Variants in LZTFL1 observed in about 807,000 individuals in gnomAD.
The protein encoded by LZTFL1 is leucine zipper transcription factor like 1.
In LZTFL1, 25 loss-of-function variants were observed where a neutral mutation model predicts 45.9. The ratio of observed to expected loss-of-function variants is 0.54; its 90% CI spans 0.40 to 0.76. LZTFL1 has a LOEUF of 0.76. LZTFL1 is among the 30% of genes least tolerant of loss of function. The pLI, the probability that LZTFL1 is intolerant of heterozygous loss-of-function variation, is 0.00. For synonymous variants in LZTFL1, 93 were observed against 117.4 expected, an observed-to-expected ratio of 0.79 and a Z score of 1.35; for missense variants, 277 against 331.1, an observed-to-expected ratio of 0.84 and a Z score of 1.27.
intron 2 of LZTFL1, among the ~76,000 whole-genome samples, chr3:45,861,790 G>A (rs746305358): frequency 2.6e-5 from 4 of 152,100 alleles, no homozygotes; most frequent in African/African-American, 4.8e-5. Flanking sequence ...GTCTCTTAGT[G>A]TAACTAAGTA....
At position 45,830,275 on chromosome 3, in the gene LZTFL1, C is replaced by T. The variant is rs572841906; in HGVS notation, c.600+638G>A. 1.8e-4 allele frequency among the ~76,000 whole-genome samples: 27 copies of T among 152,304 alleles called. No individual in the cohort carries two copies. In the South Asian group the frequency reaches 4.1e-3, roughly 23 times the overall value. ...GTCCTGCTCACAGGAAATCATACTG[C>T]AGCATGCACACTCAACAGAAAGTCC... On this transcript the variant is annotated intron_variant, in intron 7 of 9. Transcript: ENST00000296135.
At chr3:45,859,765 T>C (rs1357548910) in intron 2 of LZTFL1, among the ~76,000 whole-genome samples, 2 of 151,528 alleles carry the variant, frequency 1.3e-5, no homozygotes, top group Non-Finnish European at 2.9e-5. Context: ...GCCTCCCAAG[T>C]AGCTGGGATT....
chr3:45,881,946 T>C (rs1575286574), intron 2 of LZTFL1, among the ~76,000 whole-genome samples: 1 of 152,252 alleles, frequency 6.6e-6, no homozygotes, highest in Non-Finnish European at 1.5e-5. Flanking sequence ...ATGTTGGCTG[T>C]TTACATTTCC....
chr3:45,907,353 A>T (rs1702702749), intron 2 of LZTFL1, among the ~76,000 whole-genome samples: 1 of 152,050 alleles, frequency 6.6e-6, no homozygotes, highest in Non-Finnish European at 1.5e-5. Context: ...GCCCCTCACC[A>T]CCTGGACGAA....
At chr3:45,880,836 C>T (rs1363247482) in intron 2 of LZTFL1, among the ~76,000 whole-genome samples, 1 of 152,070 alleles carries the variant, frequency 6.6e-6, no homozygotes, top group Non-Finnish European at 1.5e-5. Context: ...GGCCCCCTTC[C>T]CACGCCACTC....
intron 2 of LZTFL1, among the ~76,000 whole-genome samples, chr3:45,905,192 G>A (rs1404114991): frequency 6.6e-6 from 1 of 152,154 alleles, no homozygotes; most frequent in African/African-American, 2.4e-5. Context: ...CACAGCCTTA[G>A]AATTCCCCTC....
intron 5 of LZTFL1, chr3:45,832,531 G>A (rs1575254535): frequency 6.6e-6 from 1 of 152,306 alleles, no homozygotes; most frequent in East Asian, 1.9e-4. Flanking sequence ...CTAGTCCCAA[G>A]GATAAGGGAT....
At chr3:45,842,973 A>C (rs921024071), upstream of LZTFL1, among the ~76,000 whole-genome samples, 6 of 152,376 alleles carry the variant, frequency 3.9e-5, no homozygotes, top group Middle Eastern at 3.4e-3. Context: ...GGTGATGTGC[A>C]GGCATTTGCC....
chr3:45,905,482 G>T (rs1702662217), intron 2 of LZTFL1, among the ~76,000 whole-genome samples: 1 of 152,224 alleles, frequency 6.6e-6, no homozygotes, highest in Admixed American at 6.5e-5. Context: ...ATATTTACTT[G>T]TATACGCTCA....
upstream of LZTFL1, chr3:45,842,151 GC>G: frequency 2.0e-6 from 3 of 1,500,122 alleles, no homozygotes; most frequent in Non-Finnish European, 2.7e-6. Flanking sequence ...CACGTGGACT[GC>G]AATTATGCAT....
At chr3:45,853,297 A>G (rs1443322758) in intron 4 of LZTFL1, among the ~76,000 whole-genome samples, 3 of 152,226 alleles carry the variant, frequency 2.0e-5, no homozygotes, top group Non-Finnish European at 4.4e-5. Context: ...TGAGGGACAC[A>G]AAGTTATATC....
At chr3:45,839,463 C>G (rs569030520) in intron 1 of LZTFL1, among the ~76,000 whole-genome samples, 1 of 152,344 alleles carries the variant, frequency 6.6e-6, no homozygotes, top group African/African-American at 2.4e-5. Flanking sequence ...CCCAAACTCT[C>G]TTACCCTGTT....
chr3:45,842,977 A>G (rs1174381273), upstream of LZTFL1, among the ~76,000 whole-genome samples: 1 of 152,238 alleles, frequency 6.6e-6, no homozygotes, highest in Non-Finnish European at 1.5e-5. Flanking sequence ...ATGTGCAGGC[A>G]TTTGCCCACA....
rs1254997730 is a variant in LZTFL1, at chr3:45,900,362, T to C, written c.-215+12758A>G. On this transcript the variant is annotated intron_variant, in intron 2 of 4. Coordinates refer to the LZTFL1 transcript ENST00000472635. This position sits in a 1 kb window ranked among gnomAD's most constrained non-coding sequence, Gnocchi z 4.7. Reference sequence around the variant, plus strand: ...TCCAGATGAGTTTAAGAGCCCTTGCTAACCTTTTTAGGGTCAGTGAAAAAC... The same window carrying C: ...TCCAGATGAGTTTAAGAGCCCTTGCCAACCTTTTTAGGGTCAGTGAAAAAC... 1.3e-5 allele frequency among the ~76,000 whole-genome samples: 2 copies of C among 152,168 alleles called. No individual in the cohort carries two copies. The highest frequency in any genetic ancestry group is 4.8e-5 in the African/African-American group (2 of 41,442).
Position 45,827,401 on chromosome 3 carries a change from G to A in LZTFL1, c.836C>T (p.Thr279Ile), listed in dbSNP as rs765726479. 5.6e-6 allele frequency: 9 copies of A among 1,613,698 alleles called. No homozygotes were observed. Among genetic ancestry groups the A allele is most frequent in the Admixed American group, 1.7e-5 (1 of 59,984 alleles). Residue 279 changes from threonine (T) to isoleucine (I), a missense_variant, in exon 9 of 10, where the codon ACC becomes ATC. By Grantham distance (89) the Thr-to-Ile change is moderately conservative. Transcript: ENST00000296135. ...AAYRNMKEIL[T>I]KKNDQIKDLR... ...ATCTTTGATTTGGTCATTCTTCTTGGTAAGAATCTCTTTCATGTTTCGATA... is the reference window on the plus strand; with the variant it reads ...ATCTTTGATTTGGTCATTCTTCTTGATAAGAATCTCTTTCATGTTTCGATA...
At position 45,834,298 on chromosome 3, in the gene LZTFL1, T is replaced by G. The variant is rs761915826; in HGVS notation, c.324A>C (p.Arg108=). Residue 108 remains arginine (R), a splice_region_variant and synonymous_variant, in exon 4 of 10, where the codon CGA becomes CGC. Coordinates refer to ENST00000296135, the MANE Select transcript of LZTFL1 (RefSeq NM_020347.4). The stretch of plus-strand genomic sequence containing the variant: ...ATTCTGCAACTTGTTCTAATAATTC[T>G]CTTGAAGAAGAAAGCAAAGATAAAA... ...LQTDISELEN[R]ELLEQVAEFE... 1 of 1,565,024 alleles carries G rather than the reference T, an allele frequency of 6.4e-7. No individual in the cohort carries two copies. The highest frequency in any genetic ancestry group is 1.4e-5 in the African/African-American group (1 of 73,798).
At chr3:45,859,768 C>T (rs1231689077) in intron 2 of LZTFL1, among the ~76,000 whole-genome samples, 1 of 151,562 alleles carries the variant, frequency 6.6e-6, no homozygotes, top group Non-Finnish European at 1.5e-5. Flanking sequence ...TCCCAAGTAG[C>T]TGGGATTACA....
chr3:45,861,226 A>C (rs202233535), intron 2 of LZTFL1, among the ~76,000 whole-genome samples: 242 of 141,192 alleles, frequency 1.7e-3, no homozygotes, highest in Middle Eastern at 3.6e-3. Context: ...AAAAAAAAAA[A>C]CCCCAAAAAC....
At chr3:45,844,429 G>A (rs1473302938), upstream of LZTFL1, among the ~76,000 whole-genome samples, 1 of 151,878 alleles carries the variant, frequency 6.6e-6, no homozygotes, top group African/African-American at 2.4e-5. Flanking sequence ...TAAGTAGAAA[G>A]AGGAAATGAA....
Sources: allele counts gnomAD v4.1 joint callset (sites outside exome capture counted in the v4.1 genomes callset), GRCh38; gene constraint gnomAD v4.1.1; non-coding constraint Gnocchi (gnomAD v3.1); transcripts MANE v1.5; gene names NCBI Gene and HGNC (gene_info 2026-07-23, HGNC 2026-07-21).